Variants in CCDC15 observed in about 807,000 individuals in gnomAD.
CCDC15 encodes the protein coiled-coil domain containing 15.
A neutral mutation model predicts 114.5 loss-of-function variants in CCDC15; 105 were observed. That is an observed-to-expected ratio of 0.92 (90% CI 0.78 to 1.08). CCDC15 has a LOEUF of 1.08. CCDC15 is among the 50% of genes least tolerant of loss of function. CCDC15 has a pLI of 0.00. For synonymous variants in CCDC15, 334 were observed against 377.8 expected, an observed-to-expected ratio of 0.88 and a Z score of 1.34; for missense variants, 1,105 against 1,093.6, an observed-to-expected ratio of 1.01 and a Z score of -0.15.
At chr11:124,963,862 G>T (rs538843355) in intron 4 of CCDC15, among the ~76,000 whole-genome samples, 1 of 152,080 alleles carries the variant, frequency 6.6e-6, no homozygotes, top group Admixed American at 6.5e-5. Flanking sequence ...TCTACATATG[G>T]CTAGCCAGTT....
In CCDC15 at chr11:124,975,189, A is replaced by G. The variant is rs1259667689; in HGVS notation, c.610A>G (p.Lys204Glu). ...ATCAGTGTTTCCAGATGATGGAAGGAAAAGCTTTCTTACCAGAGAGGTAAA... is the reference window on the plus strand; with the variant it reads ...ATCAGTGTTTCCAGATGATGGAAGGGAAAGCTTTCTTACCAGAGAGGTAAA... ...KGSVFPDDGR[K>E]SFLTREEVLS... The change falls in exon 5 of 16, where the codon AAA becomes GAA. Residue 204 changes from lysine (K) to glutamate (E), a missense_variant. Transcript: ENST00000344762. 34 of 1,589,470 alleles carry G rather than the reference A, an allele frequency of 2.1e-5. No individual in the cohort carries two copies. Among genetic ancestry groups the G allele is most frequent in the Non-Finnish European group, 2.7e-5 (32 of 1,169,848 alleles).
chr11:125,039,183 A>T, intron 15 of CCDC15, 114 bp downstream of exon 15: 1 of 948,320 alleles, frequency 1.1e-6, no homozygotes, highest in East Asian at 2.6e-5. Flanking sequence ...AGAGACTGTT[A>T]TAAACCCTTT....
At position 124,987,889 on chromosome 11, in the gene CCDC15, C is replaced by G; in HGVS notation, c.1663C>G (p.Pro555Ala). The change falls in exon 8 of 16, where the codon CCC becomes GCC. Residue 555 changes from proline to alanine, a missense_variant. Coordinates refer to ENST00000344762, the MANE Select transcript of CCDC15 (RefSeq NM_025004.3). ...TCTCCCCAAAGACTGGAATATTCTA[C>G]CCAAATGTCAGGACCAGGATTTTCT... The part of the protein sequence containing the change: ...HVLPKDWNIL[P>A]KCQDQDFLPR... The G allele has an allele frequency of 6.2e-7, 1 of 1,613,952 alleles. No individual in the cohort carries two copies. Among genetic ancestry groups the G allele is most frequent in the Admixed American group, 1.7e-5 (1 of 60,028 alleles).
chr11:124,980,582 G>C (rs1178124947), intron 6 of CCDC15, among the ~76,000 whole-genome samples: 1 of 152,054 alleles, frequency 6.6e-6, no homozygotes, highest in Middle Eastern at 3.2e-3. Flanking sequence ...TAGTCTCCAA[G>C]GGTTTTTTTG....
intron 4 of CCDC15, among the ~76,000 whole-genome samples, chr11:124,963,227 A>C (rs1247015674): frequency 6.6e-6 from 1 of 152,220 alleles, no homozygotes; most frequent in Non-Finnish European, 1.5e-5. Context: ...ACTGTCTTCC[A>C]CAATGGTTGA....
chr11:124,989,243 C>T (rs1948229595), intron 8 of CCDC15, among the ~76,000 whole-genome samples: 1 of 152,198 alleles, frequency 6.6e-6, no homozygotes, highest in Non-Finnish European at 1.5e-5. Flanking sequence ...TCTTGGGTGA[C>T]TAGGTGCATT....
chr11:125,008,057 C>T (rs973794248), intron 13 of CCDC15, among the ~76,000 whole-genome samples: 23 of 152,132 alleles, frequency 1.5e-4, no homozygotes, highest in East Asian at 7.7e-4. Flanking sequence ...TCAATATCCA[C>T]GAAATAACTT....
chr11:124,954,672 A>G, intron 1 of CCDC15, 52 bp from the exon 2 acceptor site: 1 of 1,550,944 alleles, frequency 6.4e-7, no homozygotes, highest in South Asian at 1.2e-5. Context: ...AGGAGGTTGA[A>G]CTTTTAATGC....
intron 13 of CCDC15, among the ~76,000 whole-genome samples, chr11:125,008,843 G>A (rs918848262): frequency 3.3e-5 from 5 of 151,796 alleles, no homozygotes; most frequent in Admixed American, 6.6e-5. Flanking sequence ...CAGGCTATGG[G>A]TTTTTACTGT....
Position 124,987,189 on chromosome 11 carries a change from T to C in CCDC15, c.963T>C (p.His321=). The C allele has an allele frequency of 6.6e-7, 1 of 1,523,902 alleles. No homozygotes were observed. The allele number at this position is 1,523,902 out of a possible 1,614,324, so 94.4% of individuals were successfully genotyped here. The change falls in exon 8 of 16, where the codon CAT becomes CAC. Residue 321 remains histidine (H), a synonymous_variant. Transcript: ENST00000344762. The part of the protein sequence containing the change: ...LMEEEEQKQL[H]FEGLQDILPE... ...AAGAGGAAGAACAAAAGCAGTTACA[T>C]TTTGAGGGCCTTCAGGATATTCTGC...
At chr11:124,974,485 T>C (rs916311584) in intron 4 of CCDC15, among the ~76,000 whole-genome samples, 7 of 152,218 alleles carry the variant, frequency 4.6e-5, no homozygotes, top group Admixed American at 3.9e-4. Flanking sequence ...CTTAAAGTAG[T>C]TGAAACAAAT....
intron 13 of CCDC15, among the ~76,000 whole-genome samples, chr11:125,028,874 G>A (rs907320594): frequency 2.6e-5 from 4 of 151,938 alleles, no homozygotes; most frequent in Non-Finnish European, 4.4e-5. Flanking sequence ...TTCTCTAGAG[G>A]GACAGAACTA....
At chr11:125,017,445 C>T (rs1948635783) in intron 13 of CCDC15, among the ~76,000 whole-genome samples, 1 of 152,110 alleles carries the variant, frequency 6.6e-6, no homozygotes, top group African/African-American at 2.4e-5. Flanking sequence ...ATTCCTATCA[C>T]CTAGTGATGT....
chr11:124,993,316 G>A, intron 11 of CCDC15, 73 bp downstream of exon 11: 1 of 997,842 alleles, frequency 1.0e-6, no homozygotes, highest in Non-Finnish European at 1.5e-6. Context: ...GTAAGTAACA[G>A]AGTGTAAATT....
In CCDC15 at chr11:124,969,598, A is replaced by G. The variant is rs1402747598; in HGVS notation, c.517-5498A>G. ...ATTTTTATTCTCTCTTTACAGTGCT[A>G]GTTTTCCAGCTTTTTAAAACCATGG... On this transcript the variant is annotated intron_variant, in intron 4 of 15. Transcript: ENST00000344762. Among the ~76,000 whole-genome samples, 4 of 152,252 alleles carry G rather than the reference A, an allele frequency of 2.6e-5. No homozygotes were observed. The East Asian group carries it at 7.7e-4, about 29-fold the overall frequency.
intron 4 of CCDC15, among the ~76,000 whole-genome samples, chr11:124,971,128 G>T (rs963472910): frequency 3.5e-4 from 54 of 152,272 alleles, no homozygotes; most frequent in South Asian, 1.2e-3. Context: ...ACTGTGATTG[G>T]TTGTCTGGTA....
intron 8 of CCDC15, 117 bp downstream of exon 8, chr11:124,988,251 A>G (rs1017874976): frequency 1.9e-6 from 2 of 1,071,050 alleles, no homozygotes; most frequent in Non-Finnish European, 1.3e-6. Flanking sequence ...GTTCCAGGCC[A>G]TTGCAATAAA....
chr11:124,964,385 G>A (rs1051037272), intron 4 of CCDC15, among the ~76,000 whole-genome samples: 1 of 151,288 alleles, frequency 6.6e-6, no homozygotes, highest in Non-Finnish European at 1.5e-5. Context: ...GGATTCCTAG[G>A]TATTTTATTC....
intron 15 of CCDC15, among the ~76,000 whole-genome samples, chr11:125,040,279 C>T (rs564929535): frequency 1.2e-3 from 120 of 101,080 alleles, no homozygotes; most frequent in Admixed American, 2.2e-3. Context: ...TCAAGTGATC[C>T]GCCTGCCTCA....
Sources: gnomAD v4.1 joint callset for allele counts (sites outside exome capture counted in the v4.1 genomes callset) on GRCh38, gnomAD v4.1.1 for gene constraint, MANE v1.5 for transcripts, NCBI Gene and HGNC (gene_info 2026-07-23, HGNC 2026-07-21) for gene names.